RYR2: variants seen among roughly 807,000 people sequenced by gnomAD.
The protein encoded by RYR2 is cardiac muscle ryanodine receptor-calcium release channel.
A neutral mutation model predicts 601.1 loss-of-function variants in RYR2; 227 were observed. The ratio of observed to expected loss-of-function variants is 0.38; its 90% CI spans 0.34 to 0.42. RYR2 has a LOEUF of 0.42. RYR2 is among the 10% of genes least tolerant of loss of function. The pLI is 1.00. For missense variants in RYR2, 4,646 were observed against 6,156.5 expected, an observed-to-expected ratio of 0.75 and a Z score of 8.21; for synonymous variants, 2,223 against 2,175.1, an observed-to-expected ratio of 1.02 and a Z score of -0.61.
At position 237,640,881 on chromosome 1, in the gene RYR2, G is replaced by A. The variant is rs1317272704; in HGVS notation, c.7116-16G>A. The A allele has an allele frequency of 3.7e-6, 6 of 1,603,590 alleles. No individual in the cohort carries two copies. The highest frequency in any genetic ancestry group is 5.1e-6 in the Non-Finnish European group (6 of 1,172,960). ...ATCCCATTTGCTTTCTCTTTCTTTT[G>A]AAACATTCATGAAAGTGACACAGAG... is the stretch of plus-strand genomic sequence containing the variant. On this transcript the variant is annotated splice_polypyrimidine_tract_variant and intron_variant, in intron 46 of 104. Transcript: ENST00000366574.
Position 237,711,654 on chromosome 1 carries a change from T to C in RYR2, c.10231-91T>C, listed in dbSNP as rs1688852760. On this transcript the variant is annotated intron_variant, in intron 70 of 104. Coordinates refer to ENST00000366574, the MANE Select transcript of RYR2 (RefSeq NM_001035.3). Reference sequence around the variant, plus strand: ...TTCTTATATATCAAATTAATACTTATCTCTGTAAAAACTTGCAGGTTCTGT... The same window carrying C: ...TTCTTATATATCAAATTAATACTTACCTCTGTAAAAACTTGCAGGTTCTGT... 8.3e-5 allele frequency: 57 copies of C among 684,290 alleles called. 1 individual carries two copies. In the South Asian group the frequency reaches 8.7e-4, roughly 10 times the overall value. The allele number at this position is 684,290 out of a possible 1,614,324, so 42.4% of individuals were successfully genotyped here.
chr1:237,404,339 G>GGCCATTTAATGGTCTGGTGGGCCAGACCA (rs1703667634), intron 10 of RYR2, among the ~76,000 whole-genome samples: 2 of 152,150 alleles, frequency 1.3e-5, no homozygotes, highest in South Asian at 4.1e-4. Flanking sequence ...TTAAATGGTG[G>GGCCATTTAATGGTCTGGTGGGCCAGACCA]TTCTTGCATG....
intron 1 of RYR2, among the ~76,000 whole-genome samples, chr1:237,224,946 C>A (rs570440233): frequency 6.6e-6 from 1 of 152,180 alleles, no homozygotes; most frequent in Non-Finnish European, 1.5e-5. Flanking sequence ...AATTTGCCCA[C>A]AGTTTATAGT....
At chr1:237,091,329 C>G (rs1666921793) in intron 1 of RYR2, among the ~76,000 whole-genome samples, 1 of 149,120 alleles carries the variant, frequency 6.7e-6, no homozygotes, top group African/African-American at 2.5e-5. Flanking sequence ...CTTAGCATCC[C>G]TTAGGAAATG....
chr1:237,063,311 A>C (rs952623143), intron 1 of RYR2, among the ~76,000 whole-genome samples: 1 of 152,142 alleles, frequency 6.6e-6, no homozygotes, highest in Admixed American at 6.5e-5. Flanking sequence ...TTGTTGTAGC[A>C]GTTTGAACTA....
intron 1 of RYR2, among the ~76,000 whole-genome samples, chr1:237,063,145 T>A (rs1457456330): frequency 6.6e-6 from 1 of 152,114 alleles, no homozygotes; most frequent in Non-Finnish European, 1.5e-5. Flanking sequence ...CTCTACCATG[T>A]GAGGACACAA....
At chr1:237,669,334 C>T (rs1042182257) in intron 58 of RYR2, among the ~76,000 whole-genome samples, 15 of 152,274 alleles carry the variant, frequency 9.9e-5, no homozygotes, top group Non-Finnish European at 8.8e-5. Flanking sequence ...CCTTTCCCCC[C>T]TCTCTATTCC....
At chr1:237,400,805 A>G (rs1703287739) in intron 10 of RYR2, among the ~76,000 whole-genome samples, 1 of 152,118 alleles carries the variant, frequency 6.6e-6, no homozygotes, top group African/African-American at 2.4e-5. Flanking sequence ...ATAGTCCCAA[A>G]AAGGAAGGAG....
At chr1:237,351,854 C>CAAAA (rs33955032) in intron 3 of RYR2, among the ~76,000 whole-genome samples, 298 of 40,264 alleles carry the variant, frequency 7.4e-3, no homozygotes, top group East Asian at 0.017. Flanking sequence ...AAAGACCATG[C>CAAAA]AAAAAAAAAA....
At chr1:237,042,636 G>C (rs940897429) in intron 1 of RYR2, 67 bp downstream of exon 1, 6 of 1,240,134 alleles carry the variant, frequency 4.8e-6, no homozygotes, top group Non-Finnish European at 6.1e-6. Flanking sequence ...AGCGGGGTCC[G>C]GGCAGAGTGA....
chr1:237,062,964 T>A (rs549179386), intron 1 of RYR2, among the ~76,000 whole-genome samples: 1 of 152,306 alleles, frequency 6.6e-6, no homozygotes, highest in African/African-American at 2.4e-5. Context: ...TTACTGTTTT[T>A]TTTTTTCTGT....
At chr1:237,088,012 C>T (rs1454621229) in intron 1 of RYR2, among the ~76,000 whole-genome samples, 2 of 152,160 alleles carry the variant, frequency 1.3e-5, no homozygotes, top group East Asian at 3.9e-4. Flanking sequence ...TGTCCTGTAC[C>T]TTTGAATTTA....
Position 237,324,228 on chromosome 1 carries a change from T to A in RYR2, c.169-6650T>A, listed in dbSNP as rs553673856. Among the ~76,000 whole-genome samples, 4 of 152,242 alleles carry A rather than the reference T, an allele frequency of 2.6e-5. No individual in the cohort carries two copies. The South Asian group carries it at 8.3e-4, about 32-fold the overall frequency. Reference sequence around the variant, plus strand: ...TGGTTTTTTTTGTCACTGGAGAATATATAAACATTTTAAAGGATATTATTC... The same window carrying A: ...TGGTTTTTTTTGTCACTGGAGAATAAATAAACATTTTAAAGGATATTATTC... On this transcript the variant is annotated intron_variant, in intron 2 of 104. Transcript: ENST00000366574.
intron 50 of RYR2, among the ~76,000 whole-genome samples, chr1:237,650,827 A>G (rs538313176): frequency 2.7e-3 from 418 of 152,342 alleles, no homozygotes; most frequent in African/African-American, 9.4e-3. Flanking sequence ...GTGGAAAATC[A>G]GAAGAGTAAT....
intron 3 of RYR2, among the ~76,000 whole-genome samples, chr1:237,355,216 G>C (rs984885555): frequency 6.6e-6 from 1 of 152,130 alleles, no homozygotes; most frequent in Non-Finnish European, 1.5e-5. Context: ...GGTGAGTTAA[G>C]GAAACTTACC....
rs560757246 is a variant in RYR2 at position 237,338,379 on chromosome 1, A to T, written c.273+7397A>T. Among the ~76,000 whole-genome samples the T allele has an allele frequency of 5.3e-5, 8 of 152,312 alleles. No individual in the cohort carries two copies. In the South Asian group the frequency reaches 1.4e-3, roughly 28 times the overall value. ...TCTGAAGGTTTTCTGAGTTTCCAGTAGTTAATCACATGATTTAGAATTTAA... is the reference window on the plus strand; with the variant it reads ...TCTGAAGGTTTTCTGAGTTTCCAGTTGTTAATCACATGATTTAGAATTTAA... On this transcript the variant is annotated intron_variant, in intron 3 of 104. Coordinates refer to ENST00000366574, the MANE Select transcript of RYR2 (RefSeq NM_001035.3).
At chr1:237,161,448 T>A (rs534332293) in intron 1 of RYR2, among the ~76,000 whole-genome samples, 42 of 151,108 alleles carry the variant, frequency 2.8e-4, no homozygotes, top group African/African-American at 1.0e-3. Flanking sequence ...ACTAGGAGGG[T>A]TTTTTTAGTT....
intron 19 of RYR2, among the ~76,000 whole-genome samples, chr1:237,496,250 A>G (rs1664058113): frequency 1.3e-5 from 2 of 152,254 alleles, no homozygotes; most frequent in South Asian, 4.1e-4. Context: ...CTAAAAATAA[A>G]AAAGAAAATT....
chr1:237,192,302 G>A (rs542003447), intron 1 of RYR2, among the ~76,000 whole-genome samples: 102 of 152,198 alleles, frequency 6.7e-4, no homozygotes, highest in African/African-American at 2.4e-3. Context: ...TCCGCCTCCT[G>A]GGTTCAAGCG....
Sources: allele counts gnomAD v4.1 joint callset (sites outside exome capture counted in the v4.1 genomes callset), GRCh38; gene constraint gnomAD v4.1.1; transcripts MANE v1.5; gene names NCBI Gene and HGNC (gene_info 2026-07-23, HGNC 2026-07-21).